The following MAX variants were observed in gnomAD, a reference collection of about 807,000 sequenced individuals.
MAX encodes the protein MYC associated transcriptional regulator X.
Under a neutral mutation model 22.3 loss-of-function variants are expected in MAX, and 3 were observed. The ratio of observed to expected loss-of-function variants is 0.13; its 90% CI spans 0.06 to 0.35. The LOEUF (loss-of-function observed/expected upper bound fraction) is 0.35, where lower values mean the gene tolerates loss of function less well. MAX is among the 10% of genes least tolerant of loss of function. MAX has a pLI of 1.00. For missense variants in MAX, 119 were observed against 209.4 expected (o/e 0.57, Z 2.66); for synonymous variants, 72 against 77.7 (o/e 0.93, Z 0.39).
In MAX at chr14:65,077,586, C is replaced by T. The variant is rs761386473; in HGVS notation, c.295+327G>A. 3.1e-6 allele frequency: 3 copies of T among 973,014 alleles called. No homozygotes were observed. The highest frequency in any genetic ancestry group is 3.2e-5 in the African/African-American group (2 of 62,140). 60.3% of individuals were successfully genotyped at this position (973,014 alleles called of 1,614,324 possible). ...ACACAGCACATTCCACTCCAAGGAC[C>T]TCAAAGCTCTTTTCAGACACCTGAT... On this transcript the variant is annotated intron_variant, in intron 4 of 4. Transcript: ENST00000358664. The surrounding 1 kb of genome is among the most constrained non-coding windows in gnomAD (Gnocchi z 6.3).
Position 65,077,362 on chromosome 14 carries a change from C to T in MAX, c.295+551G>A, listed in dbSNP as rs756763971. On this transcript the variant is annotated intron_variant, in intron 4 of 4. Coordinates refer to ENST00000358664, the MANE Select transcript of MAX (RefSeq NM_002382.5). The surrounding 1 kb of genome is among the most constrained non-coding windows in gnomAD (Gnocchi z 6.3). ...TACTTGCATTTCCTTTTACTTGCAT[C>T]TTCCATGAGGGAGGAAGAGAAGTGA... 1 of 1,613,448 alleles carries T rather than the reference C, an allele frequency of 6.2e-7. No individual in the cohort carries two copies. Among genetic ancestry groups the T allele is most frequent in the African/African-American group, 1.3e-5 (1 of 75,008 alleles).
At chr14:65,081,707 T>C (rs934171491) in intron 3 of MAX, among the ~76,000 whole-genome samples, 1 of 152,078 alleles carries the variant, frequency 6.6e-6, no homozygotes, top group Admixed American at 6.6e-5. Context: ...AGCCTGAAAA[T>C]TTTTTTCCTG....
chr14:65,084,212 G>GAAATGT lies in MAX; in HGVS notation c.172-6177_172-6176insACATTT. On this transcript the variant is annotated intron_variant, in intron 3 of 4. Coordinates refer to ENST00000358664, the MANE Select transcript of MAX (RefSeq NM_002382.5). The surrounding 1 kb of genome is among the most constrained non-coding windows in gnomAD (Gnocchi z 4.3). ...TTGCATTCTTTTTTCTTGTGCACTT[G>GAAATGT]GTAGCTTGAAATGAAGGTGTGGCAT... is the stretch of plus-strand genomic sequence containing the variant. 1 of 1,614,014 alleles carries GAAATGT rather than the reference G, an allele frequency of 6.2e-7. No individual in the cohort carries two copies. Among genetic ancestry groups the GAAATGT allele is most frequent in the Non-Finnish European group, 8.5e-7 (1 of 1,179,978 alleles).
At chr14:65,008,682 C>T (rs899569460) in intron 3 of MAX, among the ~76,000 whole-genome samples, 1 of 152,152 alleles carries the variant, frequency 6.6e-6, no homozygotes, top group African/African-American at 2.4e-5. Flanking sequence ...GTGCTAAAGC[C>T]AGGAGACTGA....
At position 65,054,436 on chromosome 14, in the gene MAX, G is replaced by C; in HGVS notation, c.171+39272C>G. ...GTGGGGCTTTAAATAACACTGCTGG[G>C]AAAACCATGCCTCCTCTAGCCACAT... On this transcript the variant is annotated intron_variant, in intron 3 of 3. Transcript: ENST00000341653. This position sits in a 1 kb window ranked among gnomAD's most constrained non-coding sequence, Gnocchi z 4.4. 1.2e-6 allele frequency: 1 copy of C among 829,852 alleles called. No homozygotes were observed. The highest frequency in any genetic ancestry group is 1.7e-5 in the South Asian group (1 of 59,126). 51.4% of individuals were successfully genotyped at this position (829,852 alleles called of 1,614,324 possible).
rs758370305 is a variant in MAX, at chr14:65,076,582, G to T, written c.377C>A (p.Ala126Asp). ...PSSDNSLYTNAKGSTISAFDG... is the reference protein window; with the variant it reads ...PSSDNSLYTNDKGSTISAFDG... ...GAAGGCAGAGATGGTGCTGCCCTTG[G>T]CGTTGGTGTAGAGGCTGTTGTCTGA... Residue 126 changes from alanine to aspartate, a missense_variant, in exon 5 of 5, where the codon GCC (alanine) becomes GAC (aspartate). Ala to Asp is a moderately radical substitution (Grantham distance 126). Around this residue, in one of 3 missense-constraint regions of MAX, gnomAD observed 95 missense variants for 148.1 expected, o/e 0.64. Transcript: ENST00000358664. This position sits in a 1 kb window ranked among gnomAD's most constrained non-coding sequence, Gnocchi z 6.6. 1 of 1,614,144 alleles carries T rather than the reference G, an allele frequency of 6.2e-7. No individual in the cohort carries two copies. Among genetic ancestry groups the T allele is most frequent in the Non-Finnish European group, 8.5e-7 (1 of 1,180,020 alleles).
chr14:65,097,749 T>C (rs775066507), intron 2 of MAX, among the ~76,000 whole-genome samples: 36 of 152,276 alleles, frequency 2.4e-4, no homozygotes, highest in Non-Finnish European at 4.4e-4. Context: ...AAGAACAAGA[T>C]AGGATAAAGC....
At chr14:65,091,296 C>T (rs746603366) in intron 3 of MAX, among the ~76,000 whole-genome samples, 5 of 152,122 alleles carry the variant, frequency 3.3e-5, no homozygotes, top group African/African-American at 4.8e-5. Context: ...TATGAAACAG[C>T]GCTGGCAGCT....
Position 65,084,781 on chromosome 14 carries a change from G to A in MAX, c.172-6745C>T, listed in dbSNP as rs1048165332. ...GCAAGCTATAAATAGTACTTTCCCT[G>A]TGGGGAGCATGTAGATGAAGAGACC... On this transcript the variant is annotated intron_variant, in intron 3 of 4. Coordinates refer to ENST00000358664, the MANE Select transcript of MAX (RefSeq NM_002382.5). This position sits in a 1 kb window ranked among gnomAD's most constrained non-coding sequence, Gnocchi z 4.3. Among the ~76,000 whole-genome samples the A allele has an allele frequency of 1.3e-5, 2 of 152,176 alleles. No homozygotes were observed. Among genetic ancestry groups the A allele is most frequent in the Admixed American group, 6.5e-5 (1 of 15,284 alleles).
At position 65,077,743 on chromosome 14, in the gene MAX, C is replaced by T. The variant is rs2063097435; in HGVS notation, c.295+170G>A. 1 of 1,608,452 alleles carries T rather than the reference C, an allele frequency of 6.2e-7. No individual in the cohort carries two copies. The highest frequency in any genetic ancestry group is 2.2e-5 in the East Asian group (1 of 44,618). On this transcript the variant is annotated intron_variant, in intron 4 of 4. Coordinates refer to ENST00000358664, the MANE Select transcript of MAX (RefSeq NM_002382.5). This position sits in a 1 kb window ranked among gnomAD's most constrained non-coding sequence, Gnocchi z 6.3. ...TGTCTCCTCACTGGCGCCTCAGGTC[C>T]TTCCTCAGGACGGCTCTAACACTCA...
chr14:65,102,245 C>T (rs1434550815), intron 1 of MAX, 59 bp downstream of exon 1: 6 of 1,607,218 alleles, frequency 3.7e-6, no homozygotes, highest in East Asian at 4.5e-5. Flanking sequence ...CCGCTAAGAG[C>T]CCCGGCCGCT....
At chr14:65,038,575 G>A (rs572872214) in intron 3 of MAX, among the ~76,000 whole-genome samples, 12 of 151,786 alleles carry the variant, frequency 7.9e-5, no homozygotes, top group South Asian at 4.2e-4. Context: ...AAAATTAGCC[G>A]GGCGTGGTGG....
rs190669742 is a variant in MAX at position 65,025,636 on chromosome 14, G to A, written c.172-19352C>T. Among the ~76,000 whole-genome samples the A allele has an allele frequency of 2.7e-3, 417 of 152,050 alleles. 3 individuals are homozygous for A. Among genetic ancestry groups the A allele is most frequent in the African/African-American group, 9.4e-3 (389 of 41,434 alleles). On this transcript the variant is annotated intron_variant, in intron 3 of 3. Coordinates refer to the MAX transcript ENST00000341653. ...TCAAGACTAGCCTGGGCAACATGGC[G>A]AAACCCCATCTTTATAAAAAATACA...
In MAX at chr14:65,102,487, A is replaced by G. The variant is rs1191193975; in HGVS notation, c.-148T>C. 6.7e-7 allele frequency: 1 copy of G among 1,500,580 alleles called. No homozygotes were observed. The highest frequency in any genetic ancestry group is 8.9e-7 in the Non-Finnish European group (1 of 1,125,966). 93.0% of individuals were successfully genotyped at this position (1,500,580 alleles called of 1,614,324 possible). On this transcript the variant is annotated 5_prime_UTR_variant, in exon 1 of 5. Transcript: ENST00000358664. The stretch of plus-strand genomic sequence containing the variant: ...CACTCGCTCTCTCACTCACACACAC[A>G]CACAACACGGGCAAGAACCACCTCC...
downstream of MAX, among the ~76,000 whole-genome samples, chr14:65,073,594 G>A (rs1218121980): frequency 6.6e-6 from 1 of 152,176 alleles, no homozygotes; most frequent in African/African-American, 2.4e-5. Context: ...GTGTAAGTGA[G>A]TGTCCAGAGT....
intron 3 of MAX, among the ~76,000 whole-genome samples, chr14:65,043,798 C>T (rs568628391): frequency 4.8e-5 from 6 of 125,642 alleles, no homozygotes; most frequent in South Asian, 2.8e-4. Flanking sequence ...GTCCGCAGTC[C>T]GGCCTGGGCG....
chr14:65,027,126 A>G lies in MAX; in HGVS notation c.172-20842T>C, dbSNP rs962052749. Among the ~76,000 whole-genome samples the G allele has an allele frequency of 1.3e-5, 2 of 152,132 alleles. No individual in the cohort carries two copies. Among genetic ancestry groups the G allele is most frequent in the African/African-American group, 4.8e-5 (2 of 41,444 alleles). ...GGTCCAGGGCAGCAAGTTGAGTGGA[A>G]AGTCTGGGAAAGGTTTGTGTGGGAA... On this transcript the variant is annotated intron_variant, in intron 3 of 3. Coordinates refer to the MAX transcript ENST00000341653. This position sits in a 1 kb window ranked among gnomAD's most constrained non-coding sequence, Gnocchi z 5.7.
chr14:65,030,492 A>G lies in MAX; in HGVS notation c.172-24208T>C, dbSNP rs529590140. 4.9e-4 allele frequency among the ~76,000 whole-genome samples: 75 copies of G among 152,302 alleles called. 2 individuals carry two copies. The South Asian group carries it at 0.015, about 30-fold the overall frequency. ...AGTGGCTCATGTCTGTAATCTCAACACTTTGAGAGACTGAGATGAGAGAAT... is the reference window on the plus strand; with the variant it reads ...AGTGGCTCATGTCTGTAATCTCAACGCTTTGAGAGACTGAGATGAGAGAAT... On this transcript the variant is annotated intron_variant, in intron 3 of 3. Transcript: ENST00000341653. The surrounding 1 kb of genome is among the most constrained non-coding windows in gnomAD (Gnocchi z 4.5).
At position 65,010,882 on chromosome 14, in the gene MAX, T is replaced by G. The variant is rs931822135; in HGVS notation, c.172-4598A>C. On this transcript the variant is annotated intron_variant, in intron 3 of 3. Coordinates refer to the MAX transcript ENST00000341653. The stretch of plus-strand genomic sequence containing the variant: ...TTGATACCTGTGCAGCATAGTAGAG[T>G]AGCCATTAGCCACCTGCAGCTATTT... Among the ~76,000 whole-genome samples, 45 of 152,164 alleles carry G rather than the reference T, an allele frequency of 3.0e-4. 1 individual carries two copies. Among genetic ancestry groups the G allele is most frequent in the Admixed American group, 3.9e-4 (6 of 15,266 alleles).
Sources: allele counts gnomAD v4.1 joint callset (sites outside exome capture counted in the v4.1 genomes callset), GRCh38; gene constraint gnomAD v4.1.1; regional missense constraint gnomAD v4.1.1; non-coding constraint Gnocchi (gnomAD v3.1); transcripts MANE v1.5; gene names NCBI Gene and HGNC (gene_info 2026-07-23, HGNC 2026-07-21).